Variants in NFIB observed in about 807,000 individuals in gnomAD.
NFIB encodes the protein nuclear factor 1 B-type.
A neutral mutation model predicts 61.5 loss-of-function variants in NFIB; 11 were observed. The ratio of observed to expected loss-of-function variants is 0.18; its 90% CI spans 0.11 to 0.30. The LOEUF (loss-of-function observed/expected upper bound fraction) is 0.30, where lower values mean the gene tolerates loss of function less well. Ranked by LOEUF, NFIB falls within the 10% of genes least tolerant of loss-of-function variation. The probability of loss-of-function intolerance (pLI) is 1.00; values close to 1 mark genes in which losing one functional copy is unlikely to be tolerated. For synonymous variants in NFIB, 260 were observed against 216.5 expected, an observed-to-expected ratio of 1.20 and a Z score of -1.76; for missense variants, 471 against 608.9, an observed-to-expected ratio of 0.77 and a Z score of 2.38.
intron 2 of NFIB, among the ~76,000 whole-genome samples, chr9:14,267,566 C>T (rs995070514): frequency 6.6e-6 from 1 of 152,204 alleles, no homozygotes; most frequent in African/African-American, 2.4e-5. Context: ...AACAAAGACC[C>T]CCATACCCCA....
Position 14,358,801 on chromosome 9 carries a change from A to G in NFIB, c.108+39723T>C, listed in dbSNP as rs2132939010. Among the ~76,000 whole-genome samples, 2 of 152,318 alleles carry G rather than the reference A, an allele frequency of 1.3e-5. 1 individual carries two copies. The highest frequency in any genetic ancestry group is 6.8e-3 in the Middle Eastern group (2 of 294). On this transcript the variant is annotated intron_variant, in intron 1 of 8. Transcript: ENST00000380934. ...ATCAACTCATCCAAATCAACTGGTAAATGTTCAGAAATTTCATGTGCCAGT... is the reference window on the plus strand; with the variant it reads ...ATCAACTCATCCAAATCAACTGGTAGATGTTCAGAAATTTCATGTGCCAGT...
At chr9:14,519,745 G>C in the NFIB span, among the ~76,000 whole-genome samples, 33 of 152,116 alleles carry the variant, frequency 2.2e-4, no homozygotes, top group Non-Finnish European at 3.8e-4. Flanking sequence ...AGCAGATCCT[G>C]CTACTACCCC....
chr9:14,327,262 G>C (rs1437569175), intron 1 of NFIB, among the ~76,000 whole-genome samples: 1 of 152,182 alleles, frequency 6.6e-6, no homozygotes, highest in Non-Finnish European at 1.5e-5. Flanking sequence ...ACATTCAAAA[G>C]AAAGTCAATG....
the NFIB span, among the ~76,000 whole-genome samples, chr9:14,530,382 GA>G: frequency 6.6e-6 from 1 of 151,250 alleles, no homozygotes; most frequent in Admixed American, 6.6e-5. Context: ...ATTTCATCAG[GA>G]ATAAAATAGG....
At chr9:14,165,880 C>T (rs2044730834) in intron 3 of NFIB, among the ~76,000 whole-genome samples, 1 of 152,088 alleles carries the variant, frequency 6.6e-6, no homozygotes, top group Non-Finnish European at 1.5e-5. Flanking sequence ...TGTTATTTAA[C>T]AGGTATTGAG....
At chr9:14,371,224 G>A (rs546146237) in intron 1 of NFIB, among the ~76,000 whole-genome samples, 17 of 152,192 alleles carry the variant, frequency 1.1e-4, no homozygotes, top group Non-Finnish European at 2.4e-4. Context: ...GTCATCTCTG[G>A]AACTTTTCAT....
At chr9:14,241,257 A>T (rs554509559) in intron 2 of NFIB, among the ~76,000 whole-genome samples, 1 of 152,346 alleles carries the variant, frequency 6.6e-6, no homozygotes, top group East Asian at 1.9e-4. Context: ...GGCTAAGTAA[A>T]TACAAGAATA....
the NFIB span, among the ~76,000 whole-genome samples, chr9:14,485,023 AGATT>A: frequency 1.3e-5 from 2 of 151,888 alleles, no homozygotes; most frequent in African/African-American, 4.8e-5. Context: ...AGAGAGAGAG[AGATT>A]GATTGATTCC....
chr9:14,182,708 CTGTGTGTGTGTGTGTGTGTGTG>C (rs59897559), intron 2 of NFIB, among the ~76,000 whole-genome samples: 2 of 96,994 alleles, frequency 2.1e-5, no homozygotes, highest in African/African-American at 4.4e-5. Flanking sequence ...CTCTCTCTCT[CTGTGTGTGTGTGTGTGTGTGTG>C]TGTGTGTGTG....
At chr9:14,198,728 T>C (rs2048709414) in intron 2 of NFIB, among the ~76,000 whole-genome samples, 2 of 152,166 alleles carry the variant, frequency 1.3e-5, no homozygotes, top group South Asian at 4.1e-4. Flanking sequence ...CTCCCGCACA[T>C]TGTTCTCAGC....
At chr9:14,489,824 T>C in the NFIB span, among the ~76,000 whole-genome samples, 7 of 152,068 alleles carry the variant, frequency 4.6e-5, no homozygotes, top group Middle Eastern at 3.2e-3. Context: ...TCTATTTTTA[T>C]ATTTTAGAGA....
At chr9:14,413,333 G>A in the NFIB span, among the ~76,000 whole-genome samples, 4 of 152,252 alleles carry the variant, frequency 2.6e-5, no homozygotes, top group South Asian at 6.2e-4. Context: ...TGAGGAGTGG[G>A]GGGAAGCATG....
intron 9 of NFIB, among the ~76,000 whole-genome samples, chr9:14,114,433 A>G (rs1320232127): frequency 6.6e-6 from 1 of 152,194 alleles, no homozygotes; most frequent in African/African-American, 2.4e-5. Flanking sequence ...TGACCATAGT[A>G]CTATATCAAT....
chr9:14,196,932 G>A (rs370953877), intron 2 of NFIB, among the ~76,000 whole-genome samples: 6 of 152,084 alleles, frequency 3.9e-5, no homozygotes, highest in African/African-American at 9.7e-5. Flanking sequence ...TTTTATTAAT[G>A]ATTAAGACAA....
chr9:14,405,757 G>C, the NFIB span, among the ~76,000 whole-genome samples: 1 of 152,194 alleles, frequency 6.6e-6, no homozygotes, highest in African/African-American at 2.4e-5. Context: ...ATAAGACTCA[G>C]CCTTGCAGCT....
chr9:14,519,890 C>T, the NFIB span, among the ~76,000 whole-genome samples: 1 of 152,192 alleles, frequency 6.6e-6, no homozygotes, highest in Non-Finnish European at 1.5e-5. Context: ...AACCATAATG[C>T]TATTCTTCCT....
chr9:14,166,489 G>A (rs1198619847), intron 3 of NFIB, among the ~76,000 whole-genome samples: 1 of 152,128 alleles, frequency 6.6e-6, no homozygotes, highest in Non-Finnish European at 1.5e-5. Context: ...TTTCATCCAG[G>A]ACATTTCAAA....
intron 7 of NFIB, among the ~76,000 whole-genome samples, chr9:14,122,718 CAT>C (rs1235550962): frequency 1.3e-5 from 2 of 152,122 alleles, no homozygotes; most frequent in East Asian, 3.9e-4. Flanking sequence ...AAGATATATA[CAT>C]AGTTCCATCT....
chr9:14,280,855 G>C (rs2058328358), intron 2 of NFIB, among the ~76,000 whole-genome samples: 2 of 152,132 alleles, frequency 1.3e-5, no homozygotes, highest in African/African-American at 4.8e-5. Flanking sequence ...GGTTTCCTTG[G>C]AGGAAGACTA....
Sources: allele counts gnomAD v4.1 joint callset (sites outside exome capture counted in the v4.1 genomes callset), GRCh38; gene constraint gnomAD v4.1.1; transcripts MANE v1.5; gene names NCBI Gene and HGNC (gene_info 2026-07-23, HGNC 2026-07-21).